The following DMD variants were observed in gnomAD, a reference collection of about 807,000 sequenced individuals.
DMD encodes dystrophin.
In DMD, 63 loss-of-function variants were observed where a neutral mutation model predicts 330.1. The observed-to-expected ratio is 0.19, with a 90% confidence interval of 0.16 to 0.24. The LOEUF (loss-of-function observed/expected upper bound fraction) is 0.24. Ranked by LOEUF, DMD falls within the 10% of genes least tolerant of loss-of-function variation. The pLI is 1.00. For synonymous variants in DMD, 1,223 were observed against 959.8 expected (o/e 1.27, Z -5.07); for missense variants, 3,344 against 2,684.1 (o/e 1.25, Z -5.43).
intron 27 of DMD, among the ~76,000 whole-genome samples, chrX:32,446,986 A>T (rs1170406612): frequency 9.1e-6 from 1 of 110,422 alleles, no homozygotes; most frequent in Admixed American, 9.6e-5. Flanking sequence ...TTAATACGAA[A>T]ACTTAAGAAA....
intron 9 of DMD, among the ~76,000 whole-genome samples, chrX:32,667,362 T>C (rs1342789851): frequency 8.9e-6 from 1 of 112,023 alleles, no homozygotes; most frequent in Non-Finnish European, 1.9e-5. Flanking sequence ...AAATAAATTA[T>C]ATTGAACAAA....
chrX:31,421,669 G>A (rs1233263869), intron 60 of DMD, among the ~76,000 whole-genome samples: 2 of 110,077 alleles, frequency 1.8e-5, no homozygotes, highest in Non-Finnish European at 3.8e-5. Context: ...AACAGGATAC[G>A]TCTTGTTTTC....
chrX:31,312,047 C>A (rs974796721), intron 62 of DMD, among the ~76,000 whole-genome samples: 6 of 111,844 alleles, frequency 5.4e-5, no homozygotes, highest in African/African-American at 2.0e-4. Flanking sequence ...TAGGCATGGG[C>A]AAAGACTTCA....
chrX:32,931,504 A>G (rs1356767022), intron 2 of DMD, among the ~76,000 whole-genome samples: 1 of 111,970 alleles, frequency 8.9e-6, no homozygotes, highest in Non-Finnish European at 1.9e-5. Flanking sequence ...TCTTTTGTTC[A>G]CATGTAGGCT....
chrX:33,220,884 T>C (rs1248365187), intron 1 of DMD, among the ~76,000 whole-genome samples: 2 of 112,181 alleles, frequency 1.8e-5, no homozygotes, highest in Admixed American at 1.9e-4. Context: ...TTGCTATTTA[T>C]ATTATGTTGA....
At chrX:31,142,738 T>C (rs916958107) in intron 76 of DMD, among the ~76,000 whole-genome samples, 3 of 112,453 alleles carry the variant, frequency 2.7e-5, no homozygotes, top group Admixed American at 9.4e-5. Context: ...GATTTGTATA[T>C]GGAGCCCATG....
intron 44 of DMD, among the ~76,000 whole-genome samples, chrX:32,011,894 T>C (rs1392894205): frequency 1.8e-5 from 2 of 112,034 alleles, no homozygotes; most frequent in Non-Finnish European, 3.8e-5. Context: ...TTTATTATTA[T>C]TGTTTTTTAA....
chrX:32,969,422 A>G (rs1230920669), intron 2 of DMD, among the ~76,000 whole-genome samples: 3 of 93,343 alleles, frequency 3.2e-5, no homozygotes, highest in Non-Finnish European at 6.1e-5. Flanking sequence ...TGTACCACAT[A>G]CATAGATAAA....
intron 29 of DMD, among the ~76,000 whole-genome samples, chrX:32,420,081 T>C (rs1047689686): frequency 3.0e-4 from 33 of 111,843 alleles, no homozygotes; most frequent in African/African-American, 1.0e-3. Flanking sequence ...TCTACAGGAT[T>C]CATCATATCC....
rs2094578846 is a variant in DMD at position 33,061,253 on chromosome X, G to A, written c.32-41053C>T. Among the ~76,000 whole-genome samples the A allele has an allele frequency of 2.7e-5, 3 of 112,377 alleles. No individual in the cohort carries two copies. In the South Asian group the frequency reaches 1.1e-3, roughly 41 times the overall value. On this transcript the variant is annotated intron_variant, in intron 1 of 78. Coordinates refer to ENST00000357033, the MANE Select transcript of DMD (RefSeq NM_004006.3). ...GTTAAGTTGAAAGTTATTTTGCTCA[G>A]GGACACTTACAAAGATATATACACA...
At chrX:31,867,950 A>G (rs2093828781) in intron 48 of DMD, among the ~76,000 whole-genome samples, 1 of 111,573 alleles carries the variant, frequency 9.0e-6, no homozygotes, top group African/African-American at 3.3e-5. Context: ...TTTTTGGTTT[A>G]TGCTGATGCT....
At chrX:32,074,387 A>AC (rs765835994) in intron 44 of DMD, among the ~76,000 whole-genome samples, 50 of 112,024 alleles carry the variant, frequency 4.5e-4, no homozygotes, top group Non-Finnish European at 7.7e-4. Context: ...ACTGTTTGGA[A>AC]AAAGAGAATG....
intron 60 of DMD, among the ~76,000 whole-genome samples, chrX:31,435,171 C>A (rs1015959715): frequency 9.0e-6 from 1 of 111,611 alleles, no homozygotes; most frequent in African/African-American, 3.3e-5. Context: ...CACTGGGTTA[C>A]GTGAGGCTTA....
rs143056983 is a variant in DMD, at chrX:33,084,555, C to G, written c.32-64355G>C. ...TTGGAGCTGTCTTCTTGCGCTGAGT[C>G]AGTTCCTGGGTGGAGGCCACAAGAT... On this transcript the variant is annotated intron_variant, in intron 1 of 78. Coordinates refer to ENST00000357033, the MANE Select transcript of DMD (RefSeq NM_004006.3). Among the ~76,000 whole-genome samples the G allele has an allele frequency of 8.8e-3, 976 of 111,318 alleles. 9 individuals carry two copies. The highest frequency in any genetic ancestry group is 0.031 in the African/African-American group (935 of 30,618).
At chrX:32,124,541 A>G (rs895175005) in intron 44 of DMD, among the ~76,000 whole-genome samples, 2 of 112,407 alleles carry the variant, frequency 1.8e-5, no homozygotes, top group Non-Finnish European at 3.8e-5. Flanking sequence ...ACATGTCAGG[A>G]ACATGTTAAG....
chrX:31,537,891 G>A (rs759585864), intron 55 of DMD, among the ~76,000 whole-genome samples: 24 of 111,972 alleles, frequency 2.1e-4, no homozygotes, highest in Non-Finnish European at 4.3e-4. Context: ...AAATACTTGC[G>A]ACTGAAAGTA....
chrX:33,164,058 C>T (rs903043316), intron 1 of DMD, among the ~76,000 whole-genome samples: 3 of 111,274 alleles, frequency 2.7e-5, no homozygotes, highest in African/African-American at 9.8e-5. Context: ...GATTTTTAGG[C>T]AGTAATTTGA....
At chrX:33,332,135 T>C (rs2054188731) in intron 1 of DMD, among the ~76,000 whole-genome samples, 1 of 111,787 alleles carries the variant, frequency 8.9e-6, no homozygotes, top group South Asian at 3.7e-4. Flanking sequence ...CTGAAGACAC[T>C]GTCTTACATT....
intron 1 of DMD, among the ~76,000 whole-genome samples, chrX:33,244,362 C>T (rs1007395867): frequency 1.8e-5 from 2 of 111,318 alleles, no homozygotes; most frequent in Admixed American, 9.6e-5. Context: ...TAAAGGATTC[C>T]GAAAACAATA....
Sources: gnomAD v4.1 joint callset for allele counts (sites outside exome capture counted in the v4.1 genomes callset) on GRCh38, gnomAD v4.1.1 for gene constraint, MANE v1.5 for transcripts, NCBI Gene and HGNC (gene_info 2026-07-23, HGNC 2026-07-21) for gene names.